The following METTL2B variants were observed in gnomAD, a reference collection of about 807,000 sequenced individuals.
METTL2B encodes tRNA N(3)-cytidine methyltransferase METTL2B.
In METTL2B, 28 loss-of-function variants were observed where a neutral mutation model predicts 51.0. The observed-to-expected ratio is 0.55, with a 90% CI of 0.41 to 0.75. The LOEUF (loss-of-function observed/expected upper bound fraction) is 0.75, where lower values mean the gene tolerates loss of function less well. Among genes scored for constraint, METTL2B ranks in the 30% least tolerant of loss-of-function variants. The pLI is 0.00. For missense variants in METTL2B, 313 were observed against 460.7 expected, an observed-to-expected ratio of 0.68 and a Z score of 2.93; for synonymous variants, 128 against 166.3, an observed-to-expected ratio of 0.77 and a Z score of 1.77.
In METTL2B at chr7:128,479,211, G is replaced by A. The variant is rs765990831; in HGVS notation, c.256G>A (p.Glu86Lys). 23 of 1,614,018 alleles carry A rather than the reference G, an allele frequency of 1.4e-5. No individual in the cohort carries two copies. The African/African-American group carries it at 1.6e-4, about 11-fold the overall frequency. ...CTGGAATGACTTCTACAAAATCCAC[G>A]AAAATGGGTTTTTCAAGGATAGACA... is the stretch of plus-strand genomic sequence containing the variant. Reference protein sequence around the residue: ...KYWNDFYKIHENGFFKDRHWL... With the variant: ...KYWNDFYKIHKNGFFKDRHWL... The change falls in exon 3 of 9, where the codon GAA (glutamate) becomes AAA (lysine). Residue 86 changes from glutamate (E) to lysine (K), a missense_variant. Physicochemically the swap from Glu to Lys is moderately conservative, Grantham distance 56. This residue lies in a region of METTL2B where 67 missense variants were observed against 101.4 expected (regional missense o/e 0.66). Transcript: ENST00000262432.
In METTL2B at chr7:128,503,433, C is replaced by CTTTT. The variant is rs35649928; in HGVS notation, c.*1531_*1534dup. On this transcript the variant is annotated 3_prime_UTR_variant, in exon 9 of 9. Transcript: ENST00000262432. ...ATGTGATCACTGTCAGTGTTAGATG[C>CTTTT]TTTTTTTTTTTTTTTTTAGGAGACA... 17,250 of 129,184 alleles carry CTTTT rather than the reference C, an allele frequency of 0.13. 1,461 individuals are homozygous for CTTTT. The highest frequency in any genetic ancestry group is 0.23 in the East Asian group (1,001 of 4,390). 8.0% of individuals were successfully genotyped at this position (129,184 alleles called of 1,614,324 possible).
rs1246366047 is a variant in METTL2B, at chr7:128,476,841, A to C, written c.76A>C (p.Ser26Arg). 1 of 1,614,014 alleles carries C rather than the reference A, an allele frequency of 6.2e-7. No homozygotes were observed. Among genetic ancestry groups the C allele is most frequent in the Non-Finnish European group, 8.5e-7 (1 of 1,180,038 alleles). Residue 26 changes from serine (S) to arginine (R), a missense_variant, in exon 1 of 9, where the codon AGC (serine) becomes CGC (arginine). This residue lies in a region of METTL2B where 66 missense variants were observed against 58.2 expected (regional missense o/e 1.13). Transcript: ENST00000262432. ...GCAGCAGTTCGGAAGCCGGTTCCTG[A>C]GCGATCCGGCGCGCGTCTTCCACCA... ...KRQQFGSRFL[S>R]DPARVFHHNA...
intron 7 of METTL2B, 39 bp from the exon 8 acceptor site, chr7:128,500,864 C>A (rs2116869705): frequency 1.2e-6 from 2 of 1,612,344 alleles, no homozygotes; most frequent in East Asian, 4.5e-5. Flanking sequence ...CAAAGAGACA[C>A]TTTAAAGTGT....
intron 5 of METTL2B, 30 bp from the exon 6 acceptor site, chr7:128,493,774 A>C: frequency 6.3e-7 from 1 of 1,588,528 alleles, no homozygotes; most frequent in Non-Finnish European, 8.5e-7. Context: ...AATATTTTCT[A>C]ACTTACTTGT....
intron 6 of METTL2B, among the ~76,000 whole-genome samples, chr7:128,495,754 A>G (rs1175667434): frequency 6.6e-6 from 1 of 152,140 alleles, no homozygotes; most frequent in East Asian, 1.9e-4. Flanking sequence ...CACCTGACCA[A>G]AACTATCTTC....
intron 5 of METTL2B, among the ~76,000 whole-genome samples, chr7:128,492,598 T>G (rs1277094816): frequency 3.7e-5 from 3 of 81,564 alleles, no homozygotes; most frequent in African/African-American, 9.8e-5. Flanking sequence ...GCTTTTGGTT[T>G]GTTTGTTTGT....
intron 5 of METTL2B, among the ~76,000 whole-genome samples, chr7:128,493,501 C>T (rs116854767): frequency 0.036 from 5,486 of 152,164 alleles, 237 homozygotes; most frequent in East Asian, 0.22. Context: ...CATGAGCCAC[C>T]ACATCCTTGC....
rs1267923879 is a variant in METTL2B at position 128,488,162 on chromosome 7, G to C, written c.669+1G>C. 1 of 1,613,380 alleles carries C rather than the reference G, an allele frequency of 6.2e-7. No homozygotes were observed. Among genetic ancestry groups the C allele is most frequent in the South Asian group, 1.1e-5 (1 of 90,992 alleles). ...TTCCACAGCTATAGAACTGGTCCAG[G>C]TGAGTACGATGGGAAATTACCTATT... is the stretch of plus-strand genomic sequence containing the variant. On this transcript the variant is annotated splice_donor_variant, in intron 5 of 8. Transcript: ENST00000262432. LOFTEE classifies it high-confidence loss of function.
In METTL2B at chr7:128,503,416, ACT is replaced by A. The variant is rs1471658081; in HGVS notation, c.*1501_*1502del. ...CATCACTTCACTTCTGAATGTGATCACTGTCAGTGTTAGATGCTTTTTTTTTT... is the reference window on the plus strand; with the variant it reads ...CATCACTTCACTTCTGAATGTGATCAGTCAGTGTTAGATGCTTTTTTTTTT... On this transcript the variant is annotated 3_prime_UTR_variant, in exon 9 of 9. Transcript: ENST00000262432. 6.7e-6 allele frequency: 1 copy of A among 149,002 alleles called. No individual in the cohort carries two copies. The highest frequency in any genetic ancestry group is 2.0e-4 in the East Asian group (1 of 5,056). The allele number at this position is 149,002 out of a possible 1,614,324, so 9.2% of individuals were successfully genotyped here. A position where few individuals can be genotyped will look rare whatever the true frequency, so the allele number is the denominator to read the frequency against.
chr7:128,489,016 G>A (rs1293341208), intron 5 of METTL2B, among the ~76,000 whole-genome samples: 1 of 152,166 alleles, frequency 6.6e-6, no homozygotes. Flanking sequence ...GGAGGCTAAG[G>A]CAGGAGGAGA....
rs565115742 is a variant in METTL2B, at chr7:128,493,772, C to G, written c.670-32C>G. ...TTTCTTTGGGCTATGTTAATATTTT[C>G]TAACTTACTTGTCTCTTCCACCTGT... On this transcript the variant is annotated intron_variant, in intron 5 of 8. Coordinates refer to ENST00000262432, the MANE Select transcript of METTL2B (RefSeq NM_018396.3). 2.5e-6 allele frequency: 4 copies of G among 1,586,972 alleles called. No homozygotes were observed. In the East Asian group the frequency reaches 9.0e-5, roughly 36 times the overall value.
intron 6 of METTL2B, among the ~76,000 whole-genome samples, chr7:128,496,876 G>A (rs1207710995): frequency 3.9e-5 from 6 of 152,026 alleles, no homozygotes; most frequent in Non-Finnish European, 8.8e-5. Context: ...TGCCTCCCGG[G>A]TTCAAGCGAT....
chr7:128,479,629 T>C, intron 3 of METTL2B, 116 bp downstream of exon 3: 2 of 1,153,704 alleles, frequency 1.7e-6, no homozygotes. Flanking sequence ...CTGACTAGAC[T>C]TGACCCTTAT....
chr7:128,483,561 C>T (rs879969631), intron 4 of METTL2B, among the ~76,000 whole-genome samples: 1 of 152,138 alleles, frequency 6.6e-6, no homozygotes, highest in Non-Finnish European at 1.5e-5. Context: ...CAGTCTTTTT[C>T]GAGACAGTCT....
chr7:128,494,974 A>C lies in METTL2B; in HGVS notation c.809+1031A>C, dbSNP rs960587144. ...CTGTTGCCCCGGCTGGGGTGCAGTG[A>C]TGAGATCTTGGCTCACTGCAACCTC... On this transcript the variant is annotated intron_variant, in intron 6 of 8. Transcript: ENST00000262432. 2.1e-4 allele frequency among the ~76,000 whole-genome samples: 31 copies of C among 144,814 alleles called. 3 individuals carry two copies. The highest frequency in any genetic ancestry group is 7.8e-4 in the African/African-American group (30 of 38,556).
rs1351255680 is a variant in METTL2B at position 128,486,329 on chromosome 7, G to T, written c.609-1772G>T. ...GAAAAGCACAAAGAGGCCAGGCACA[G>T]TGGCTCATGCCTGTAATCTGAACAC... On this transcript the variant is annotated intron_variant, in intron 4 of 8. Transcript: ENST00000262432. Among the ~76,000 whole-genome samples the T allele has an allele frequency of 2.0e-5, 3 of 151,976 alleles. No individual in the cohort carries two copies. In the Middle Eastern group the frequency reaches 0.01, roughly 524 times the overall value.
chr7:128,505,113 A>AAC lies in METTL2B; in HGVS notation c.*3198_*3199insCA, dbSNP rs1439317991. On this transcript the variant is annotated 3_prime_UTR_variant, in exon 9 of 9. Transcript: ENST00000262432. ...ACTCCGTCTCAAAAAAAAAAAAAAAAAAAAATTAGCTGGGCATGGTGGTGG... is the reference window on the plus strand; with the variant it reads ...ACTCCGTCTCAAAAAAAAAAAAAAAAACAAAAATTAGCTGGGCATGGTGGTGG... 6.7e-6 allele frequency: 1 copy of AAC among 150,124 alleles called. No individual in the cohort carries two copies. The highest frequency in any genetic ancestry group is 1.5e-5 in the Non-Finnish European group (1 of 67,914). 9.3% of individuals were successfully genotyped at this position (150,124 alleles called of 1,614,324 possible). A position where few individuals can be genotyped will look rare whatever the true frequency, so the allele number is the denominator to read the frequency against.
chr7:128,487,354 A>T (rs1792737549), intron 4 of METTL2B, among the ~76,000 whole-genome samples: 1 of 152,252 alleles, frequency 6.6e-6, no homozygotes, highest in Non-Finnish European at 1.5e-5. Context: ...AAACGCAAGC[A>T]TACAGCCTTC....
At chr7:128,498,234 A>G (rs897950914) in intron 7 of METTL2B, 92 bp downstream of exon 7, 91 of 1,431,618 alleles carry the variant, frequency 6.4e-5, no homozygotes, top group Non-Finnish European at 8.5e-5. Context: ...CAGCAAACTA[A>G]CACAAGAACA....
Sources: gnomAD v4.1 joint callset for allele counts (sites outside exome capture counted in the v4.1 genomes callset) on GRCh38, gnomAD v4.1.1 for gene constraint, gnomAD v4.1.1 regional missense constraint, MANE v1.5 for transcripts, NCBI Gene and HGNC (gene_info 2026-07-23, HGNC 2026-07-21) for gene names.